Variants in ATG2B observed in about 807,000 individuals in gnomAD.
The protein encoded by ATG2B is autophagy related 2B.
Under a neutral mutation model 241.3 loss-of-function variants are expected in ATG2B, and 121 were observed. The ratio of observed to expected loss-of-function variants is 0.50; its 90% CI spans 0.43 to 0.58. The LOEUF (loss-of-function observed/expected upper bound fraction) is 0.58, where lower values mean the gene tolerates loss of function less well. Among genes scored for constraint, ATG2B ranks in the 20% least tolerant of loss-of-function variants. ATG2B has a pLI of 0.00. For missense variants in ATG2B, 2,306 were observed against 2,491.6 expected (o/e 0.93, Z 1.59); for synonymous variants, 858 against 876.6 (o/e 0.98, Z 0.37).
At chr14:96,302,518 G>A (rs905263821) in intron 33 of ATG2B, among the ~76,000 whole-genome samples, 1 of 152,108 alleles carries the variant, frequency 6.6e-6, no homozygotes, top group Non-Finnish European at 1.5e-5. Context: ...AGGAGGTCAC[G>A]GCTGCAGTGA....
intron 6 of ATG2B, among the ~76,000 whole-genome samples, chr14:96,340,207 C>G (rs973582281): frequency 1.3e-5 from 1 of 78,358 alleles, no homozygotes; most frequent in African/African-American, 3.7e-5. Context: ...ACACACACAT[C>G]TTTGTGTGTG....
At chr14:96,309,750 G>C (rs1887098817) in intron 28 of ATG2B, among the ~76,000 whole-genome samples, 156 bp from the exon 29 acceptor site, 1 of 152,170 alleles carries the variant, frequency 6.6e-6, no homozygotes, top group Non-Finnish European at 1.5e-5. Flanking sequence ...TATATTTCAA[G>C]TTTTTAGTAT....
At chr14:96,314,533 A>T (rs992185094) in intron 23 of ATG2B, among the ~76,000 whole-genome samples, 1 of 152,320 alleles carries the variant, frequency 6.6e-6, no homozygotes, top group Non-Finnish European at 1.5e-5. Flanking sequence ...CTGCTCCTCT[A>T]CGCCAGACAT....
chr14:96,341,603 G>A lies in ATG2B; in HGVS notation c.843C>T (p.Asp281=), dbSNP rs143324081. ...TRNLPEIAPS[D]PVQIGRLIGR... ...CAATTAACCGTCCAATCTGCACTGG[G>A]TCAGAAGGTGCTATCTCTGGTAAAT... is the stretch of plus-strand genomic sequence containing the variant. The change falls in exon 6 of 42, where the codon GAC becomes GAT. Residue 281 remains aspartate, a synonymous_variant. Transcript: ENST00000359933. 2.5e-6 allele frequency: 4 copies of A among 1,606,182 alleles called. No homozygotes were observed. In the African/African-American group the frequency reaches 5.3e-5, roughly 21 times the overall value.
chr14:96,287,832 C>T (rs981923394), intron 41 of ATG2B, among the ~76,000 whole-genome samples: 1 of 152,016 alleles, frequency 6.6e-6, no homozygotes, highest in Non-Finnish European at 1.5e-5. Flanking sequence ...ATTGTAAATA[C>T]CATTATTAAT....
In ATG2B at chr14:96,322,187, T is replaced by C. The variant is rs376882212; in HGVS notation, c.2804A>G (p.Tyr935Cys). 6.9e-6 allele frequency: 11 copies of C among 1,591,774 alleles called. No individual in the cohort carries two copies. The highest frequency in any genetic ancestry group is 5.5e-5 in the African/African-American group (4 of 73,242). Residue 935 changes from tyrosine (Y) to cysteine (C), a missense_variant, in exon 18 of 42, where the codon TAT becomes TGT. Tyr to Cys is a radical substitution (Grantham distance 194). Around this residue, in one of 2 missense-constraint regions of ATG2B, gnomAD observed 1,927 missense variants for 2,011.2 expected, o/e 0.96. Transcript: ENST00000359933. Reference sequence around the variant, plus strand: ...ATTTGGTAACGTAAGTTCCAGCACATAGTGAGAATTGCTGATTGCTTTATC... The same window carrying C: ...ATTTGGTAACGTAAGTTCCAGCACACAGTGAGAATTGCTGATTGCTTTATC... ...FQDKAISNSH[Y>C]VLELTLPNIY...
rs1207478657 is a variant in ATG2B at position 96,284,928 on chromosome 14, T to C, written c.*827A>G. 4 of 152,218 alleles carry C rather than the reference T, an allele frequency of 2.6e-5. No homozygotes were observed. The highest frequency in any genetic ancestry group is 4.8e-5 in the African/African-American group (2 of 41,456). 9.4% of individuals were successfully genotyped at this position (152,218 alleles called of 1,614,324 possible). A position where few individuals can be genotyped will look rare whatever the true frequency, so the allele number is the denominator to read the frequency against. The stretch of plus-strand genomic sequence containing the variant: ...CCACACATTCCTAACAAGCCTGCAC[T>C]ATACCTGCTTAAAACTGAAAATATA... On this transcript the variant is annotated 3_prime_UTR_variant, in exon 42 of 42. Coordinates refer to ENST00000359933, the MANE Select transcript of ATG2B (RefSeq NM_018036.7).
chr14:96,346,084 T>C (rs962314367), intron 2 of ATG2B, among the ~76,000 whole-genome samples: 16 of 152,208 alleles, frequency 1.1e-4, no homozygotes, highest in Non-Finnish European at 2.1e-4. Context: ...AATTCTTCTT[T>C]AGTTAATTAT....
At position 96,345,221 on chromosome 14, in the gene ATG2B, G is replaced by T. The variant is rs1888139496; in HGVS notation, c.478+12C>A. 9 of 1,599,824 alleles carry T rather than the reference G, an allele frequency of 5.6e-6. No individual in the cohort carries two copies. The highest frequency in any genetic ancestry group is 1.4e-5 in the African/African-American group (1 of 73,940). On this transcript the variant is annotated intron_variant, in intron 3 of 41. Coordinates refer to ENST00000359933, the MANE Select transcript of ATG2B (RefSeq NM_018036.7). ...AAATCTAAATTTTTGAAAATTCTCAGTAACACCAAACCTGTTTCAATGGTT... is the reference window on the plus strand; with the variant it reads ...AAATCTAAATTTTTGAAAATTCTCATTAACACCAAACCTGTTTCAATGGTT...
In ATG2B at chr14:96,362,982, C is replaced by A. The variant is rs765617907; in HGVS notation, c.-6G>T. The A allele has an allele frequency of 8.7e-6, 14 of 1,613,154 alleles. 1 individual carries two copies. The South Asian group carries it at 1.5e-4, about 18-fold the overall frequency. ...TCCGAAAACGGCCAAGGCATAGTGA[C>A]TGCTGGCAGCTGGGCTGACTGCGGC... On this transcript the variant is annotated 5_prime_UTR_variant, in exon 1 of 42. Coordinates refer to ENST00000359933, the MANE Select transcript of ATG2B (RefSeq NM_018036.7).
intron 6 of ATG2B, among the ~76,000 whole-genome samples, chr14:96,338,354 G>C (rs1887921130): frequency 6.6e-6 from 1 of 152,088 alleles, no homozygotes; most frequent in Non-Finnish European, 1.5e-5. Flanking sequence ...GGGCATCCTT[G>C]TCTTGTTCCA....
intron 7 of ATG2B, among the ~76,000 whole-genome samples, 159 bp from the exon 8 acceptor site, chr14:96,334,032 G>C (rs918948505): frequency 1.3e-5 from 2 of 152,132 alleles, no homozygotes; most frequent in Non-Finnish European, 2.9e-5. Flanking sequence ...ACAGCTTTAA[G>C]CAACTAGCCA....
rs1028968097 is a variant in ATG2B, at chr14:96,317,730, C to T, written c.3005G>A (p.Ser1002Asn). ...AACTGCAGATTTAAATGCACTAAAA[C>T]TATCTTTGTTGAAAGTATTAATGAG... ...SQLINTFNKD[S>N]FSAFKSAVHY... Residue 1002 changes from serine to asparagine, a missense_variant, in exon 19 of 42, where the codon AGT becomes AAT. Transcript: ENST00000359933. 7 of 1,611,142 alleles carry T rather than the reference C, an allele frequency of 4.3e-6. No homozygotes were observed. The African/African-American group carries it at 9.4e-5, about 22-fold the overall frequency.
At chr14:96,335,620 G>A (rs1887849660) in intron 6 of ATG2B, among the ~76,000 whole-genome samples, 1 of 152,118 alleles carries the variant, frequency 6.6e-6, no homozygotes, top group South Asian at 2.1e-4. Flanking sequence ...GGCTGACCTG[G>A]AGGAAAAGCC....
chr14:96,308,263 T>TATAC (rs1887038991), intron 29 of ATG2B, among the ~76,000 whole-genome samples: 3 of 26,454 alleles, frequency 1.1e-4, no homozygotes, highest in Non-Finnish European at 1.7e-4. Context: ...CACACATATA[T>TATAC]ATATATATAT....
In ATG2B at chr14:96,347,258, T is replaced by A; in HGVS notation, c.246A>T (p.Pro82=). The change falls in exon 2 of 42, where the codon CCA becomes CCT. Residue 82 remains proline, a synonymous_variant. Coordinates refer to ENST00000359933, the MANE Select transcript of ATG2B (RefSeq NM_018036.7). The part of the protein sequence containing the change: ...GFIQSISLSV[P]WGSLLQDNCA... ...AATTATCCTGCAGTAAAGAGCCCCATGGAACTGACAGGGAAATTGACTGAA... is the reference window on the plus strand; with the variant it reads ...AATTATCCTGCAGTAAAGAGCCCCAAGGAACTGACAGGGAAATTGACTGAA... The A allele has an allele frequency of 6.2e-7, 1 of 1,612,130 alleles. No individual in the cohort carries two copies. Among genetic ancestry groups the A allele is most frequent in the Non-Finnish European group, 8.5e-7 (1 of 1,178,448 alleles).
rs1887809879 is a variant in ATG2B at position 96,334,067 on chromosome 14, T to C, written c.1022-194A>G. 2.0e-5 allele frequency among the ~76,000 whole-genome samples: 3 copies of C among 152,324 alleles called. No homozygotes were observed. The East Asian group carries it at 5.8e-4, about 29-fold the overall frequency. On this transcript the variant is annotated intron_variant, in intron 7 of 41. Coordinates refer to ENST00000359933, the MANE Select transcript of ATG2B (RefSeq NM_018036.7). ...AGGAATCCCAAAATCTTATCGCTGA[T>C]AGATAGAAGCCATTGAAAATATTTT...
chr14:96,322,428 G>T, intron 17 of ATG2B, 112 bp downstream of exon 17: 1 of 1,323,506 alleles, frequency 7.6e-7, no homozygotes, highest in South Asian at 1.5e-5. Flanking sequence ...TGAAGTTTAA[G>T]ACCTAGCAAA....
chr14:96,313,365 A>G lies in ATG2B; in HGVS notation c.3713T>C (p.Phe1238Ser), dbSNP rs144915679. Residue 1238 changes from phenylalanine to serine, a missense_variant, in exon 24 of 42, where the codon TTT becomes TCT. Coordinates refer to ENST00000359933, the MANE Select transcript of ATG2B (RefSeq NM_018036.7). The part of the protein sequence containing the change: ...GYNPPTSFTT[F>S]HVHLWSCALD... ...TGCACAGCTCCAAAGATGAACATGAAAAGTTGTAAATGAAGTTGGAGGATT... is the reference window on the plus strand; with the variant it reads ...TGCACAGCTCCAAAGATGAACATGAGAAGTTGTAAATGAAGTTGGAGGATT... 1.1e-4 allele frequency: 182 copies of G among 1,597,756 alleles called. 1 individual carries two copies. Among genetic ancestry groups the G allele is most frequent in the Admixed American group, 1.3e-4 (7 of 55,554 alleles).
Sources: allele counts gnomAD v4.1 joint callset (sites outside exome capture counted in the v4.1 genomes callset), GRCh38; gene constraint gnomAD v4.1.1; regional missense constraint gnomAD v4.1.1; transcripts MANE v1.5; gene names NCBI Gene and HGNC (gene_info 2026-07-23, HGNC 2026-07-21).